Variants in DLG2 observed in about 807,000 individuals in gnomAD.
DLG2 encodes discs large MAGUK scaffold protein 2, also known as disks large homolog 2.
A neutral mutation model predicts 132.5 loss-of-function variants in DLG2; 45 were observed. The observed-to-expected ratio is 0.34, with a 90% CI of 0.27 to 0.44. DLG2 has a LOEUF of 0.44. Ranked by LOEUF, DLG2 falls within the 20% of genes least tolerant of loss-of-function variation. The probability of loss-of-function intolerance (pLI) is 1.00; values close to 1 mark genes in which losing one functional copy is unlikely to be tolerated. For missense variants in DLG2, 1,045 were observed against 1,196.9 expected, an observed-to-expected ratio of 0.87 and a Z score of 1.87; for synonymous variants, 424 against 419.6, an observed-to-expected ratio of 1.01 and a Z score of -0.13.
intron 6 of DLG2, among the ~76,000 whole-genome samples, chr11:84,781,344 C>G (rs1332454066): frequency 6.6e-6 from 1 of 151,900 alleles, no homozygotes; most frequent in Non-Finnish European, 1.5e-5. Context: ...TGTAGGTAAA[C>G]TGAGAAGTTA....
chr11:84,236,537 A>T (rs764119039), intron 8 of DLG2, among the ~76,000 whole-genome samples: 13 of 152,206 alleles, frequency 8.5e-5, no homozygotes, highest in Non-Finnish European at 1.8e-4. Context: ...TTTTTTAATA[A>T]ACCCAATTAC....
chr11:84,413,932 A>T (rs143360301), intron 7 of DLG2, among the ~76,000 whole-genome samples: 1 of 152,312 alleles, frequency 6.6e-6, no homozygotes, highest in African/African-American at 2.4e-5. Context: ...TCAAGGGTAT[A>T]GAACAACTAT....
chr11:85,132,937 A>T (rs930009379), intron 5 of DLG2: 1 of 423,418 alleles, frequency 2.4e-6, no homozygotes, highest in Non-Finnish European at 4.8e-6. Flanking sequence ...GGGGCCCCTC[A>T]TGGGAAACTC....
At chr11:85,468,985 A>C (rs1245134049) in intron 3 of DLG2, among the ~76,000 whole-genome samples, 1 of 152,120 alleles carries the variant, frequency 6.6e-6, no homozygotes, top group Non-Finnish European at 1.5e-5. Flanking sequence ...AATCTTGCAA[A>C]GGTGGTTTCA....
intron 2 of DLG2, among the ~76,000 whole-genome samples, chr11:85,614,844 T>A (rs2081239036): frequency 6.6e-6 from 1 of 152,212 alleles, no homozygotes; most frequent in African/African-American, 2.4e-5. Flanking sequence ...TAGAGTACAT[T>A]TGCCCAAGGC....
At chr11:83,507,486 T>C (rs1414891621) in intron 21 of DLG2, among the ~76,000 whole-genome samples, 1 of 146,796 alleles carries the variant, frequency 6.8e-6, no homozygotes, top group Non-Finnish European at 1.5e-5. Context: ...TATATATCCA[T>C]ATATATACAC....
intron 7 of DLG2, among the ~76,000 whole-genome samples, chr11:84,522,181 C>CAA (rs1257824594): frequency 3.2e-5 from 3 of 93,068 alleles, no homozygotes; most frequent in East Asian, 3.0e-4. Context: ...AACGAACAAA[C>CAA]AAAAAAAAAA....
At chr11:84,373,814 G>A (rs957554209) in intron 7 of DLG2, among the ~76,000 whole-genome samples, 6 of 152,020 alleles carry the variant, frequency 3.9e-5, no homozygotes, top group African/African-American at 1.4e-4. Context: ...TTTCTCTAAA[G>A]TTTGAACAAA....
chr11:84,328,586 A>G (rs1218867719), intron 7 of DLG2, among the ~76,000 whole-genome samples: 1 of 152,158 alleles, frequency 6.6e-6, no homozygotes, highest in Non-Finnish European at 1.5e-5. Context: ...TAAATTTTGC[A>G]AGTTCTTATT....
At chr11:85,230,306 G>A (rs1281281485) in intron 4 of DLG2, among the ~76,000 whole-genome samples, 1 of 151,396 alleles carries the variant, frequency 6.6e-6, no homozygotes, top group East Asian at 1.9e-4. Context: ...AATTTTTGGT[G>A]ATTTTTATTT....
At chr11:84,803,868 G>C (rs1293448502) in intron 6 of DLG2, among the ~76,000 whole-genome samples, 1 of 152,150 alleles carries the variant, frequency 6.6e-6, no homozygotes, top group South Asian at 2.1e-4. Context: ...CATGAGAACA[G>C]AGACCTAGGC....
intron 11 of DLG2, among the ~76,000 whole-genome samples, chr11:84,008,657 A>G (rs2094705634): frequency 1.3e-5 from 2 of 152,010 alleles, no homozygotes; most frequent in Admixed American, 1.3e-4. Context: ...AAGAAAAAGA[A>G]GAAAAAAAGC....
chr11:83,702,246 T>G (rs186358931), intron 18 of DLG2, among the ~76,000 whole-genome samples: 23 of 152,124 alleles, frequency 1.5e-4, no homozygotes, highest in African/African-American at 5.3e-4. Context: ...TAAAAAAGTG[T>G]TTTTTAATGG....
At chr11:85,496,143 T>C (rs1046327785) in intron 3 of DLG2, among the ~76,000 whole-genome samples, 3 of 152,156 alleles carry the variant, frequency 2.0e-5, no homozygotes, top group Non-Finnish European at 4.4e-5. Flanking sequence ...TTCCCTTTCC[T>C]AGCCAAGGGA....
At position 83,656,975 on chromosome 11, in the gene DLG2, C is replaced by G. The variant is rs1187859783; in HGVS notation, c.1826-23650G>C. The stretch of plus-strand genomic sequence containing the variant: ...TCTCCCTACAAGGCCTTTGTTACCC[C>G]CATGAGTGCCTCCTGAAATCCTACT... On this transcript the variant is annotated intron_variant, in intron 18 of 27. Coordinates refer to ENST00000376104, the MANE Select transcript of DLG2 (RefSeq NM_001142699.3). Among the ~76,000 whole-genome samples the G allele has an allele frequency of 2.0e-5, 3 of 152,146 alleles. No individual in the cohort carries two copies. In the East Asian group the frequency reaches 5.8e-4, roughly 29 times the overall value.
chr11:84,408,619 A>C (rs2154454546), intron 7 of DLG2, among the ~76,000 whole-genome samples: 1 of 152,292 alleles, frequency 6.6e-6, no homozygotes, highest in Non-Finnish European at 1.5e-5. Flanking sequence ...AAATGCAATG[A>C]AATTATTGCA....
chr11:85,111,002 T>C (rs1035542262), intron 6 of DLG2, among the ~76,000 whole-genome samples: 3 of 152,146 alleles, frequency 2.0e-5, no homozygotes, highest in Non-Finnish European at 2.9e-5. Flanking sequence ...TATCATACAT[T>C]CAGCCACTTT....
At chr11:84,895,914 G>A (rs1468112415) in intron 6 of DLG2, among the ~76,000 whole-genome samples, 1 of 151,960 alleles carries the variant, frequency 6.6e-6, no homozygotes, top group African/African-American at 2.4e-5. Flanking sequence ...GTTCACCAGG[G>A]CACCTACCAC....
At chr11:85,225,982 G>A (rs1332200773) in intron 4 of DLG2, among the ~76,000 whole-genome samples, 3 of 151,966 alleles carry the variant, frequency 2.0e-5, no homozygotes, top group Non-Finnish European at 4.4e-5. Context: ...TCACCAACCA[G>A]ACACTTATTG....
Sources: gnomAD v4.1 joint callset for allele counts (sites outside exome capture counted in the v4.1 genomes callset) on GRCh38, gnomAD v4.1.1 for gene constraint, MANE v1.5 for transcripts, NCBI Gene and HGNC (gene_info 2026-07-23, HGNC 2026-07-21) for gene names.